ELP5: variants seen among roughly 807,000 people sequenced by gnomAD.
The protein encoded by ELP5 is elongator complex protein 5.
ELP5 carries 34 observed loss-of-function variants against 33.4 expected under a neutral mutation model. The ratio of observed to expected loss-of-function variants is 1.02; its 90% confidence interval spans 0.78 to 1.36. The LOEUF is 1.36. Ranked by LOEUF, ELP5 falls within the 40% of genes most tolerant of loss-of-function variation. The pLI, the probability that ELP5 is intolerant of heterozygous loss-of-function variation, is 0.00. For synonymous variants in ELP5, 161 were observed against 146.4 expected (o/e 1.10, Z -0.72); for missense variants, 373 against 371.7 (o/e 1.00, Z -0.03).
At chr17:7,253,113 A>G in intron 3 of ELP5, 115 bp downstream of exon 3, 1 of 1,018,838 alleles carries the variant, frequency 9.8e-7, no homozygotes, top group Non-Finnish European at 1.5e-6. Flanking sequence ...ATATTCATTG[A>G]AGAATTGGAT....
intron 4 of ELP5, 191 bp downstream of exon 4, chr17:7,254,994 C>G: frequency 1.8e-6 from 1 of 569,628 alleles, no homozygotes; most frequent in South Asian, 2.2e-5. Flanking sequence ...TTTTTTTTCT[C>G]CAAGTTATTT....
At chr17:7,256,182 C>G (rs1312196568) in intron 4 of ELP5, among the ~76,000 whole-genome samples, 1 of 152,108 alleles carries the variant, frequency 6.6e-6, no homozygotes, top group Non-Finnish European at 1.5e-5. Flanking sequence ...GAAACCCCGT[C>G]TCTACCAAAT....
In ELP5 at chr17:7,257,026, C is replaced by T. The variant is rs146827482; in HGVS notation, c.579C>T (p.Arg193=). The T allele has an allele frequency of 8.2e-6, 13 of 1,588,250 alleles. No homozygotes were observed. The highest frequency in any genetic ancestry group is 1.1e-5 in the South Asian group (1 of 88,756). The change falls in exon 5 of 8, where the codon CGC becomes CGT. Residue 193 remains arginine (R), a synonymous_variant. Coordinates refer to ENST00000396628, the MANE Select transcript of ELP5 (RefSeq NM_203414.3). ...TCCTGTGTCGGAGGCCCCGACAGCGCCCAACTGACCAGGTCAGAAGAACCA... is the reference window on the plus strand; with the variant it reads ...TCCTGTGTCGGAGGCCCCGACAGCGTCCAACTGACCAGGTCAGAAGAACCA... ...AHILCRRPRQ[R]PTDQTQWFSI...
rs1476456194 is a variant in ELP5 at position 7,254,599 on chromosome 17, T to C, written c.205T>C (p.Phe69Leu). The C allele has an allele frequency of 6.2e-7, 1 of 1,612,748 alleles. No homozygotes were observed. The highest frequency in any genetic ancestry group is 8.5e-7 in the Non-Finnish European group (1 of 1,178,916). ...CCTTTGCAGGCTGGTTTACCATGAC[T>C]TCTTCAGAGACCCTCTCAACTGGTC... ...DINNRLVYHD[F>L]FRDPLNWSKT... The change falls in exon 4 of 8, where the codon TTC becomes CTC. Residue 69 changes from phenylalanine to leucine, a missense_variant. Transcript: ENST00000396628.
At chr17:7,255,143 C>T (rs936933351) in intron 4 of ELP5, among the ~76,000 whole-genome samples, 1 of 151,734 alleles carries the variant, frequency 6.6e-6, no homozygotes, top group African/African-American at 2.4e-5. Flanking sequence ...GCTCGAAGTC[C>T]CATAAAAGAT....
Position 7,252,386 on chromosome 17 carries a change from C to T in ELP5, c.-165C>T. On this transcript the variant is annotated 5_prime_UTR_variant, in exon 1 of 8. Transcript: ENST00000396628. ...GGGAGGGGCGCCCTCCGCGTGAGCG[C>T]CCCCCTGGGAATATTGAACATAATC... 2 of 1,080,178 alleles carry T rather than the reference C, an allele frequency of 1.9e-6. No homozygotes were observed. The highest frequency in any genetic ancestry group is 2.7e-6 in the Non-Finnish European group (2 of 733,932). The allele number at this position is 1,080,178 out of a possible 1,614,324, so 66.9% of individuals were successfully genotyped here.
chr17:7,253,801 G>A (rs2072009616), intron 3 of ELP5, among the ~76,000 whole-genome samples: 1 of 152,138 alleles, frequency 6.6e-6, no homozygotes, highest in South Asian at 2.1e-4. Flanking sequence ...TTCGAGACCA[G>A]CCTGACCAAC....
At chr17:7,254,979 T>G (rs535394070) in intron 4 of ELP5, 176 bp downstream of exon 4, 1 of 585,428 alleles carries the variant, frequency 1.7e-6, no homozygotes, top group South Asian at 2.2e-5. Context: ...CCATCTACCA[T>G]TTGCTTTTTT....
chr17:7,252,458 C>A lies in ELP5; in HGVS notation c.-93C>A. 1.9e-6 allele frequency: 3 copies of A among 1,584,520 alleles called. No individual in the cohort carries two copies. Among genetic ancestry groups the A allele is most frequent in the South Asian group, 2.2e-5 (2 of 89,114 alleles). On this transcript the variant is annotated 5_prime_UTR_variant, in exon 1 of 8. Coordinates refer to ENST00000396628, the MANE Select transcript of ELP5 (RefSeq NM_203414.3). ...TAGGTCTTAATGGTGGGAGGACGCC[C>A]GAGTGCTCGGCCCGTTTCACCCCGA...
Position 7,252,961 on chromosome 17 carries a change from G to A in ELP5, c.151G>A (p.Glu51Lys). 3 of 1,614,214 alleles carry A rather than the reference G, an allele frequency of 1.9e-6. No individual in the cohort carries two copies. The highest frequency in any genetic ancestry group is 2.5e-6 in the Non-Finnish European group (3 of 1,180,036). Residue 51 changes from glutamate to lysine, a missense_variant, in exon 3 of 8, where the codon GAG (glutamate) becomes AAG (lysine). Physicochemically the swap from Glu to Lys is moderately conservative, Grantham distance 56. Transcript: ENST00000396628. Reference protein sequence around the residue: ...HILGCEVSEEEFREGFDSDIN... With the variant: ...HILGCEVSEEKFREGFDSDIN... ...CCTGGGCTGTGAAGTGAGCGAGGAAGAGTTTCGTGAAGGTTTTGACTCTGA... is the reference window on the plus strand; with the variant it reads ...CCTGGGCTGTGAAGTGAGCGAGGAAAAGTTTCGTGAAGGTTTTGACTCTGA...
rs762873864 is a variant in ELP5, at chr17:7,256,909, GCTT to G, written c.464_466del (p.Leu155del). ...GTGTGCTGGGCTTGCTACATGAAGA[GCTT>G]CATGGACCAGGCCCTGTGGGAGCTC... On this transcript the variant is annotated inframe_deletion, in exon 5 of 8. Transcript: ENST00000396628. 1 of 1,614,162 alleles carries G rather than the reference GCTT, an allele frequency of 6.2e-7. No homozygotes were observed. Among genetic ancestry groups the G allele is most frequent in the Admixed American group, 1.7e-5 (1 of 60,008 alleles).
In ELP5 at chr17:7,259,662, C is replaced by A; in HGVS notation, c.880C>A (p.Pro294Thr). ...TTATGATGACCTGGACCAAGAAGAC[C>A]CAGATGACGACCTGGATATTTGACT... ...DAYDDLDQEDPDDDLDI is the reference protein window; with the variant it reads ...DAYDDLDQEDTDDDLDI Residue 294 changes from proline (P) to threonine (T), a missense_variant, in exon 8 of 8, where the codon CCA becomes ACA. By Grantham distance (38) the Pro-to-Thr change is conservative. Coordinates refer to ENST00000396628, the MANE Select transcript of ELP5 (RefSeq NM_203414.3). 6.2e-7 allele frequency: 1 copy of A among 1,614,198 alleles called. No individual in the cohort carries two copies. Among genetic ancestry groups the A allele is most frequent in the East Asian group, 2.2e-5 (1 of 44,882 alleles).
rs543484290 is a variant in ELP5, at chr17:7,252,304, G to T, written c.-247G>T. ...CTGCCCCAACTGCTCTTCCCGCCCCGGTCACAGTGAAAATGTAGACGGGGT... is the reference window on the plus strand; with the variant it reads ...CTGCCCCAACTGCTCTTCCCGCCCCTGTCACAGTGAAAATGTAGACGGGGT... On this transcript the variant is annotated 5_prime_UTR_variant, in exon 1 of 8. Coordinates refer to ENST00000396628, the MANE Select transcript of ELP5 (RefSeq NM_203414.3). 1 of 591,170 alleles carries T rather than the reference G, an allele frequency of 1.7e-6. No homozygotes were observed. Among genetic ancestry groups the T allele is most frequent in the East Asian group, 3.0e-5 (1 of 33,464 alleles). 36.6% of individuals were successfully genotyped at this position (591,170 alleles called of 1,614,324 possible).
intron 4 of ELP5, 77 bp downstream of exon 4, chr17:7,254,880 A>C (rs767155339): frequency 3.1e-6 from 4 of 1,278,608 alleles, no homozygotes; most frequent in African/African-American, 1.5e-5. Flanking sequence ...TTTCTACCCT[A>C]GAATAAACAT....
At chr17:7,253,040 A>T (rs373574312) in intron 3 of ELP5, 42 bp downstream of exon 3, 1 of 1,592,296 alleles carries the variant, frequency 6.3e-7, no homozygotes, top group South Asian at 1.1e-5. Context: ...TTTGAGACCT[A>T]TAATGCTAAG....
At chr17:7,252,050 G>A (rs1369168771), upstream of ELP5, 1 of 213,522 alleles carries the variant, frequency 4.7e-6, no homozygotes, top group Non-Finnish European at 9.8e-6. Flanking sequence ...TCGCTTCACC[G>A]GGACTAAGTT....
In ELP5 at chr17:7,256,993, G is replaced by A. The variant is rs372848593; in HGVS notation, c.546G>A (p.Ser182=). The change falls in exon 5 of 8, where the codon TCG becomes TCA. Residue 182 remains serine (S), a synonymous_variant. Coordinates refer to ENST00000396628, the MANE Select transcript of ELP5 (RefSeq NM_203414.3). ...TGGGCGGTACCATGGGCCAGGCCTC[G>A]GCCCACATCCTGTGTCGGAGGCCCC... is the stretch of plus-strand genomic sequence containing the variant. ...VTLGGTMGQA[S]AHILCRRPRQ... is the part of the protein sequence containing the mutation. 2.5e-5 allele frequency: 41 copies of A among 1,610,004 alleles called. No homozygotes were observed. In the African/African-American group the frequency reaches 2.7e-4, roughly 10 times the overall value.
chr17:7,254,191 T>G (rs1416378349), intron 3 of ELP5, among the ~76,000 whole-genome samples: 1 of 152,210 alleles, frequency 6.6e-6, no homozygotes, highest in Non-Finnish European at 1.5e-5. Context: ...GCTTTCTCTT[T>G]TTTCACCCAG....
chr17:7,253,595 C>T (rs1291513101), intron 3 of ELP5, among the ~76,000 whole-genome samples: 1 of 152,198 alleles, frequency 6.6e-6, no homozygotes, highest in East Asian at 1.9e-4. Context: ...TTTCTACTTC[C>T]TAGTCCCGGC....
Sources: allele counts gnomAD v4.1 joint callset (sites outside exome capture counted in the v4.1 genomes callset), GRCh38; gene constraint gnomAD v4.1.1; transcripts MANE v1.5; gene names NCBI Gene and HGNC (gene_info 2026-07-23, HGNC 2026-07-21).